The following GABRA2 variants were observed in gnomAD, a reference collection of about 807,000 sequenced individuals.
GABRA2 encodes the protein gamma-aminobutyric acid type A receptor subunit alpha2.
Under a neutral mutation model 48.7 loss-of-function variants are expected in GABRA2, and 16 were observed. The ratio of observed to expected loss-of-function variants is 0.33; its 90% CI spans 0.22 to 0.50. GABRA2 has a LOEUF of 0.50. Among genes scored for constraint, GABRA2 ranks in the 20% least tolerant of loss-of-function variants. GABRA2 has a pLI of 0.98. For synonymous variants in GABRA2, 185 were observed against 184.5 expected (o/e 1.00, Z -0.02); for missense variants, 275 against 535.6 (o/e 0.51, Z 4.80).
chr4:46,386,327 T>G, intron 2 of GABRA2, 138 bp from the exon 3 acceptor site: 2 of 580,592 alleles, frequency 3.4e-6, no homozygotes, highest in Non-Finnish European at 6.0e-6. Flanking sequence ...TTTTTTAACT[T>G]CTATAAATAT....
At chr4:46,363,137 TAA>T (rs1713481571) in intron 3 of GABRA2, among the ~76,000 whole-genome samples, 1 of 152,100 alleles carries the variant, frequency 6.6e-6, no homozygotes, top group African/African-American at 2.4e-5. Flanking sequence ...TCACTTCTCT[TAA>T]AAATTATGCA....
At chr4:46,271,836 A>T (rs1719395147) in intron 8 of GABRA2, among the ~76,000 whole-genome samples, 1 of 151,796 alleles carries the variant, frequency 6.6e-6, no homozygotes, top group South Asian at 2.1e-4. Flanking sequence ...AGACTTCACA[A>T]TTTAAATGAT....
rs1034535384 is a variant in GABRA2 at position 46,313,276 on chromosome 4, T to A, written c.256-560A>T. ...ACTTTCAGATCTGTATGAATCATCATCTCCTGTTGCCAAAGAAACTGTAAA... is the reference window on the plus strand; with the variant it reads ...ACTTTCAGATCTGTATGAATCATCAACTCCTGTTGCCAAAGAAACTGTAAA... On this transcript the variant is annotated intron_variant, in intron 4 of 9. Transcript: ENST00000381620. Among the ~76,000 whole-genome samples, 6 of 151,882 alleles carry A rather than the reference T, an allele frequency of 4.0e-5. 1 individual carries two copies. The highest frequency in any genetic ancestry group is 1.4e-4 in the African/African-American group (6 of 41,526).
chr4:46,333,490 A>G (rs1416037718), intron 3 of GABRA2, among the ~76,000 whole-genome samples: 2 of 152,120 alleles, frequency 1.3e-5, no homozygotes, highest in Non-Finnish European at 2.9e-5. Flanking sequence ...GTTTATCATC[A>G]TGAGCTAAAT....
At position 46,307,416 on chromosome 4, in the gene GABRA2, C is replaced by T. The variant is rs571349460; in HGVS notation, c.560-1705G>A. Among the ~76,000 whole-genome samples the T allele has an allele frequency of 1.0e-3, 150 of 150,050 alleles. 1 individual carries two copies. Among genetic ancestry groups the T allele is most frequent in the African/African-American group, 3.6e-3 (148 of 40,914 alleles). ...TACGTTGGAAGGGCCTCACAATACTCTGTAGTCGTCAATAAATTATGAAGT... is the reference window on the plus strand; with the variant it reads ...TACGTTGGAAGGGCCTCACAATACTTTGTAGTCGTCAATAAATTATGAAGT... On this transcript the variant is annotated intron_variant, in intron 6 of 9. Transcript: ENST00000381620.
chr4:46,300,924 T>A (rs2109608943), intron 8 of GABRA2, among the ~76,000 whole-genome samples: 1 of 152,214 alleles, frequency 6.6e-6, no homozygotes, highest in Non-Finnish European at 1.5e-5. Flanking sequence ...CTACCTCTTG[T>A]AATTTATATT....
At chr4:46,352,846 T>C (rs1030548313) in intron 3 of GABRA2, among the ~76,000 whole-genome samples, 12 of 152,054 alleles carry the variant, frequency 7.9e-5, no homozygotes, top group Non-Finnish European at 1.8e-4. Flanking sequence ...TCAGACAATG[T>C]AATGGGAGGT....
chr4:46,376,966 A>T (rs1447331036), intron 3 of GABRA2, among the ~76,000 whole-genome samples: 1 of 152,066 alleles, frequency 6.6e-6, no homozygotes, highest in Non-Finnish European at 1.5e-5. Flanking sequence ...CCAGCTCCTA[A>T]CCGCAAGTGA....
intron 8 of GABRA2, among the ~76,000 whole-genome samples, chr4:46,266,467 G>A (rs548260): frequency 0.63 from 93,845 of 149,690 alleles, 30,093 homozygotes; most frequent in South Asian, 0.76. Flanking sequence ...TGGTCTCCAT[G>A]GTTTTTGATG....
chr4:46,340,769 TA>T (rs1733078918), intron 3 of GABRA2, among the ~76,000 whole-genome samples: 1 of 152,030 alleles, frequency 6.6e-6, no homozygotes, highest in African/African-American at 2.4e-5. Context: ...AGGCACAGAA[TA>T]ATGTTTCTCA....
chr4:46,299,906 C>T (rs531059587), intron 8 of GABRA2, among the ~76,000 whole-genome samples: 1 of 151,828 alleles, frequency 6.6e-6, no homozygotes, highest in South Asian at 2.1e-4. Context: ...TGTAGAGTCT[C>T]GTTTCTTTCC....
intron 3 of GABRA2, among the ~76,000 whole-genome samples, chr4:46,380,610 A>C (rs566268862): frequency 6.6e-6 from 1 of 152,346 alleles, no homozygotes; most frequent in South Asian, 2.1e-4. Context: ...AATTTTACAA[A>C]TAAAGAAACT....
intron 9 of GABRA2, among the ~76,000 whole-genome samples, chr4:46,252,806 G>T (rs1257172924): frequency 2.0e-5 from 3 of 151,400 alleles, no homozygotes; most frequent in Admixed American, 6.6e-5. Flanking sequence ...CACATATAAA[G>T]AATCTGGGCC....
intron 3 of GABRA2, among the ~76,000 whole-genome samples, chr4:46,345,050 C>G (rs375285431): frequency 6.6e-6 from 1 of 151,832 alleles, no homozygotes; most frequent in East Asian, 1.9e-4. Context: ...AGCATAGGAG[C>G]AGTTTCCCCT....
At chr4:46,307,274 AT>A (rs1726859693) in intron 6 of GABRA2, among the ~76,000 whole-genome samples, 1 of 152,006 alleles carries the variant, frequency 6.6e-6, no homozygotes, top group Non-Finnish European at 1.5e-5. Flanking sequence ...CTAGGAACTC[AT>A]TTGTAGATCA....
chr4:46,293,311 C>T (rs983065120), intron 8 of GABRA2, among the ~76,000 whole-genome samples: 2 of 152,092 alleles, frequency 1.3e-5, no homozygotes, highest in African/African-American at 4.8e-5. Context: ...GAGAAGGGAC[C>T]CCACCACACT....
Position 46,303,471 on chromosome 4 carries a change from C to T in GABRA2, c.845G>A (p.Arg282Lys). Residue 282 changes from arginine (R) to lysine (K), a missense_variant, in exon 8 of 10, where the codon AGA becomes AAA. Transcript: ENST00000381620. ...GTGTATTCACTCACCAAACACAGTT[C>T]TTGCAGGCACAGATTCTCTGTTAAG... is the stretch of plus-strand genomic sequence containing the variant. The part of the protein sequence containing the change: ...FWLNRESVPA[R>K]TVFGVTTVLT... The T allele has an allele frequency of 3.1e-6, 5 of 1,614,002 alleles. No individual in the cohort carries two copies. The highest frequency in any genetic ancestry group is 3.4e-6 in the Non-Finnish European group (4 of 1,179,896).
chr4:46,251,824 T>C (rs562121616), intron 9 of GABRA2, among the ~76,000 whole-genome samples: 12 of 151,584 alleles, frequency 7.9e-5, no homozygotes, highest in African/African-American at 2.9e-4. Flanking sequence ...CTTTGTAATC[T>C]TAGCACTTAG....
rs115319029 is a variant in GABRA2, at chr4:46,290,620, T to C, written c.856+12840A>G. Among the ~76,000 whole-genome samples, 698 of 152,312 alleles carry C rather than the reference T, an allele frequency of 4.6e-3. 6 individuals carry two copies. Among genetic ancestry groups the C allele is most frequent in the African/African-American group, 0.016 (656 of 41,584 alleles). ...CTGATTTTTGTGCATTGATCTTGCA[T>C]TCTACAATATCGTTAAAATTGTTTT... On this transcript the variant is annotated intron_variant, in intron 8 of 9. Transcript: ENST00000381620.
Sources: gnomAD v4.1 joint callset for allele counts (sites outside exome capture counted in the v4.1 genomes callset) on GRCh38, gnomAD v4.1.1 for gene constraint, MANE v1.5 for transcripts, NCBI Gene and HGNC (gene_info 2026-07-23, HGNC 2026-07-21) for gene names.